The following WWOX variants were observed in gnomAD, a reference collection of about 807,000 sequenced individuals.
WWOX encodes WW domain-containing oxidoreductase.
In WWOX, 69 loss-of-function variants were observed where a neutral mutation model predicts 46.2. That is an observed-to-expected ratio of 1.49 (90% CI 1.23 to 1.82). The LOEUF is 1.82. Ranked by LOEUF, WWOX falls within the 40% of genes most tolerant of loss-of-function variation. WWOX has a pLI of 0.00. For missense variants in WWOX, 919 were observed against 542.6 expected (o/e 1.69, Z -6.89); for synonymous variants, 359 against 202.6 (o/e 1.77, Z -6.56).
intron 5 of WWOX, among the ~76,000 whole-genome samples, chr16:78,277,261 C>T (rs138875426): frequency 1.3e-5 from 2 of 152,220 alleles, no homozygotes; most frequent in East Asian, 3.9e-4. Context: ...GTTGAATAGC[C>T]GTGTTTCCTC....
chr16:78,966,629 T>C (rs1215301024), intron 8 of WWOX, among the ~76,000 whole-genome samples: 3 of 152,188 alleles, frequency 2.0e-5, no homozygotes, highest in African/African-American at 7.2e-5. Flanking sequence ...ATATAGTATG[T>C]ATTAATAATA....
chr16:79,035,259 G>T (rs1042753817), intron 8 of WWOX, among the ~76,000 whole-genome samples: 8 of 152,138 alleles, frequency 5.3e-5, no homozygotes, highest in Non-Finnish European at 1.0e-4. Flanking sequence ...AGAATCATTG[G>T]CCCTGGCTCT....
chr16:79,069,181 A>G (rs2048501758), intron 8 of WWOX, among the ~76,000 whole-genome samples: 1 of 152,188 alleles, frequency 6.6e-6, no homozygotes, highest in Admixed American at 6.5e-5. Flanking sequence ...GCACCTGGGT[A>G]TCCTCTTGAC....
intron 8 of WWOX, among the ~76,000 whole-genome samples, chr16:78,583,873 T>G (rs2045125266): frequency 6.6e-6 from 1 of 152,214 alleles, no homozygotes; most frequent in South Asian, 2.1e-4. Flanking sequence ...CAAAGCTGGT[T>G]AGTGTTGCAT....
chr16:78,831,244 C>T (rs905091431), intron 8 of WWOX, among the ~76,000 whole-genome samples: 7 of 152,132 alleles, frequency 4.6e-5, no homozygotes, highest in African/African-American at 1.7e-4. Flanking sequence ...TCATTTCCCC[C>T]TTTATAAGCT....
intron 5 of WWOX, among the ~76,000 whole-genome samples, chr16:78,360,028 A>C (rs1481210547): frequency 6.6e-6 from 1 of 152,240 alleles, no homozygotes. Flanking sequence ...TCAGGAAACA[A>C]ACTTTTTAAA....
chr16:78,532,429 C>A (rs575278184), intron 8 of WWOX, among the ~76,000 whole-genome samples: 1 of 152,058 alleles, frequency 6.6e-6, no homozygotes, highest in Admixed American at 6.6e-5. Flanking sequence ...CCTAGGCTCT[C>A]CCCTGAAGCT....
chr16:78,858,869 G>C (rs2052634289), intron 8 of WWOX, among the ~76,000 whole-genome samples: 1 of 150,514 alleles, frequency 6.6e-6, no homozygotes, highest in African/African-American at 2.4e-5. Context: ...TTTGTAGTTG[G>C]GGTCTCACCA....
At chr16:79,173,363 G>C (rs2050739244) in intron 8 of WWOX, among the ~76,000 whole-genome samples, 2 of 152,156 alleles carry the variant, frequency 1.3e-5, no homozygotes, top group African/African-American at 2.4e-5. Flanking sequence ...GTAACCCATT[G>C]GTGCAGATAT....
rs565782889 is a variant in WWOX, at chr16:78,349,397, T to C, written c.517-37463T>C. ...GAAACAGAATCCAGCTAACAACAGTTGGGGATGAGGCTATAACGAATACCA... is the reference window on the plus strand; with the variant it reads ...GAAACAGAATCCAGCTAACAACAGTCGGGGATGAGGCTATAACGAATACCA... On this transcript the variant is annotated intron_variant, in intron 5 of 8. Coordinates refer to ENST00000566780, the MANE Select transcript of WWOX (RefSeq NM_016373.4). 6.6e-5 allele frequency among the ~76,000 whole-genome samples: 8 copies of C among 121,150 alleles called. No individual in the cohort carries two copies. The South Asian group carries it at 2.0e-3, about 30-fold the overall frequency. The allele number at this position is 121,150 out of a possible 152,430, so 79.5% of individuals were successfully genotyped here.
At chr16:78,321,362 A>G (rs1488198965) in intron 5 of WWOX, among the ~76,000 whole-genome samples, 6 of 58,602 alleles carry the variant, frequency 1.0e-4, no homozygotes, top group South Asian at 5.4e-4. Context: ...ATATATGCGT[A>G]TATATATACG....
chr16:78,855,097 T>A (rs1274483030), intron 8 of WWOX, among the ~76,000 whole-genome samples: 1 of 152,148 alleles, frequency 6.6e-6, no homozygotes, highest in Non-Finnish European at 1.5e-5. Flanking sequence ...ACCCCCCAAT[T>A]ATTACCTTTG....
At chr16:79,009,527 G>C (rs923910441) in intron 8 of WWOX, among the ~76,000 whole-genome samples, 10 of 151,884 alleles carry the variant, frequency 6.6e-5, no homozygotes, top group Non-Finnish European at 1.3e-4. Context: ...GAGTGTAGTG[G>C]TGCGATCTCG....
At chr16:78,743,833 T>G (rs2049286640) in intron 8 of WWOX, among the ~76,000 whole-genome samples, 1 of 152,196 alleles carries the variant, frequency 6.6e-6, no homozygotes, top group African/African-American at 2.4e-5. Flanking sequence ...TTCATTTCCA[T>G]GAGGTGTACA....
chr16:78,159,933 G>C (rs1475443860), intron 4 of WWOX, among the ~76,000 whole-genome samples: 1 of 151,726 alleles, frequency 6.6e-6, no homozygotes, highest in African/African-American at 2.4e-5. Flanking sequence ...GGTTGTTCAA[G>C]CCCTCTCTTT....
chr16:78,671,617 A>G (rs2047466464), intron 8 of WWOX, among the ~76,000 whole-genome samples: 1 of 152,164 alleles, frequency 6.6e-6, no homozygotes, highest in Non-Finnish European at 1.5e-5. Context: ...CCTATAAAGT[A>G]GAGATTCCCT....
At chr16:79,098,609 T>C (rs947403778) in intron 8 of WWOX, among the ~76,000 whole-genome samples, 1 of 152,228 alleles carries the variant, frequency 6.6e-6, no homozygotes, top group African/African-American at 2.4e-5. Context: ...AGCGTTTTCT[T>C]TTGTTAAAGA....
At chr16:78,233,253 G>C (rs893505661) in intron 5 of WWOX, among the ~76,000 whole-genome samples, 1 of 152,162 alleles carries the variant, frequency 6.6e-6, no homozygotes, top group African/African-American at 2.4e-5. Context: ...ATTCATCTCT[G>C]TTCAAGGTAT....
intron 8 of WWOX, among the ~76,000 whole-genome samples, chr16:78,494,271 G>A (rs993623009): frequency 6.6e-6 from 1 of 152,158 alleles, no homozygotes; most frequent in African/African-American, 2.4e-5. Flanking sequence ...GCAGAGAACA[G>A]ATTAGCCCCC....
Sources: gnomAD v4.1 joint callset for allele counts (sites outside exome capture counted in the v4.1 genomes callset) on GRCh38, gnomAD v4.1.1 for gene constraint, MANE v1.5 for transcripts, NCBI Gene and HGNC (gene_info 2026-07-23, HGNC 2026-07-21) for gene names.